SLC4A3: variants seen among roughly 807,000 people sequenced by gnomAD.
SLC4A3 encodes solute carrier family 4 member 3.
In SLC4A3, 47 loss-of-function variants were observed where a neutral mutation model predicts 114.2. The observed-to-expected ratio is 0.41, with a 90% confidence interval of 0.33 to 0.52. SLC4A3 has a LOEUF of 0.52. SLC4A3 is among the 20% of genes least tolerant of loss of function. The pLI, the probability that SLC4A3 is intolerant of heterozygous loss-of-function variation, is 0.21. For synonymous variants in SLC4A3, 693 were observed against 710.3 expected (o/e 0.98, Z 0.39); for missense variants, 1,312 against 1,668.3 (o/e 0.79, Z 3.72).
rs1307613583 is a variant in SLC4A3, at chr2:219,636,652, G to A, written c.2341-28G>A. 6.3e-7 allele frequency: 1 copy of A among 1,594,622 alleles called. No homozygotes were observed. On this transcript the variant is annotated intron_variant, in intron 15 of 22. Coordinates refer to ENST00000358055, the MANE Select transcript of SLC4A3 (RefSeq NM_005070.4). This position sits in a 1 kb window ranked among gnomAD's most constrained non-coding sequence, Gnocchi z 5.5. Reference sequence around the variant, plus strand: ...TGACACCCAGGGCAGTCCACCTGTGGGTAACGACCGCTCCTACCCCCACCT... The same window carrying A: ...TGACACCCAGGGCAGTCCACCTGTGAGTAACGACCGCTCCTACCCCCACCT...
At chr2:219,629,042 G>A in intron 3 of SLC4A3, 102 bp from the exon 4 acceptor site, 1 of 1,373,564 alleles carries the variant, frequency 7.3e-7, no homozygotes, top group Non-Finnish European at 9.6e-7. Context: ...AAGGACTAGG[G>A]TGCCCTTGTT....
rs372547587 is a variant in SLC4A3, at chr2:219,638,366, C to T, written c.2856+113C>T. On this transcript the variant is annotated intron_variant, in intron 18 of 22. Coordinates refer to ENST00000358055, the MANE Select transcript of SLC4A3 (RefSeq NM_005070.4). This position sits in a 1 kb window ranked among gnomAD's most constrained non-coding sequence, Gnocchi z 7.5. ...GGATCAGGCCTGAACTCAACTTTCC[C>T]AGTGGAGTGGCCGCCCTGGGGGCTG... 1 of 896,414 alleles carries T rather than the reference C, an allele frequency of 1.1e-6. No homozygotes were observed. Among genetic ancestry groups the T allele is most frequent in the African/African-American group, 1.7e-5 (1 of 60,604 alleles). 55.5% of individuals were successfully genotyped at this position (896,414 alleles called of 1,614,324 possible). A position where few individuals can be genotyped will look rare whatever the true frequency, so the allele number is the denominator to read the frequency against.
chr2:219,641,548 A>G lies in SLC4A3; in HGVS notation c.3622-103A>G. The G allele has an allele frequency of 1.1e-6, 1 of 904,342 alleles. No homozygotes were observed. Among genetic ancestry groups the G allele is most frequent in the Non-Finnish European group, 1.8e-6 (1 of 557,738 alleles). The allele number at this position is 904,342 out of a possible 1,614,324, so 56.0% of individuals were successfully genotyped here. Reference sequence around the variant, plus strand: ...ATGGTACTTGCAGAGAGGCCCAGGAAAGGTCAGGGAGCAGGGAGGGCTGCA... The same window carrying G: ...ATGGTACTTGCAGAGAGGCCCAGGAGAGGTCAGGGAGCAGGGAGGGCTGCA... On this transcript the variant is annotated intron_variant, in intron 22 of 22. Coordinates refer to ENST00000358055, the MANE Select transcript of SLC4A3 (RefSeq NM_005070.4). The surrounding 1 kb of genome is among the most constrained non-coding windows in gnomAD (Gnocchi z 4.0).
At chr2:219,634,046 G>C in intron 11 of SLC4A3, 67 bp downstream of exon 11, 3 of 1,461,770 alleles carry the variant, frequency 2.1e-6, no homozygotes, top group Non-Finnish European at 2.7e-6. Flanking sequence ...GGGCCTGCTT[G>C]TCTGAGCTCT....
chr2:219,632,897 C>G lies in SLC4A3; in HGVS notation c.1165C>G (p.Gln389Glu). 1 of 1,614,176 alleles carries G rather than the reference C, an allele frequency of 6.2e-7. No homozygotes were observed. The highest frequency in any genetic ancestry group is 8.5e-7 in the Non-Finnish European group (1 of 1,180,024). Residue 389 changes from glutamine to glutamate, a missense_variant, in exon 9 of 23, where the codon CAA (glutamine) becomes GAA (glutamate). Physicochemically the swap from Gln to Glu is conservative, Grantham distance 29. This residue lies in a region of SLC4A3 where 771 missense variants were observed against 977.7 expected (regional missense o/e 0.79). Transcript: ENST00000358055. ...AGGAGCTGCCCTCCTGGACCTGGAG[C>G]AAACCACCCTGCCAGGCATTGCACA... Reference protein sequence around the residue: ...AHGAALLDLEQTTLPGIAHLV... With the variant: ...AHGAALLDLEETTLPGIAHLV...
At position 219,633,009 on chromosome 2, in the gene SLC4A3, G is replaced by A; in HGVS notation, c.1277G>A (p.Ser426Asn). The A allele has an allele frequency of 1.9e-6, 3 of 1,613,996 alleles. No homozygotes were observed. The highest frequency in any genetic ancestry group is 2.5e-6 in the Non-Finnish European group (3 of 1,179,944). ...SVLRTLLLKH[S>N]HPNDDKDSGF... ...CTACGTACCCTGCTACTGAAGCACA[G>A]GTGCCGGGGTGGGTCCCTGGGAGGG... Residue 426 changes from serine (S) to asparagine (N), a missense_variant and splice_region_variant, in exon 9 of 23, where the codon AGC becomes AAC. Ser to Asn is a conservative substitution (Grantham distance 46, BLOSUM62 1). This residue lies in a region of SLC4A3 where 771 missense variants were observed against 977.7 expected (regional missense o/e 0.79). Coordinates refer to ENST00000358055, the MANE Select transcript of SLC4A3 (RefSeq NM_005070.4).
At chr2:219,633,102 A>C in intron 9 of SLC4A3, 93 bp downstream of exon 9, 1 of 1,495,490 alleles carries the variant, frequency 6.7e-7, no homozygotes. Flanking sequence ...CTCTGCTTGA[A>C]TGCCACAAGT....
rs536629943 is a variant in SLC4A3 at position 219,627,634 on chromosome 2, C to G, written c.-205C>G. 6.6e-6 allele frequency: 1 copy of G among 151,564 alleles called. No homozygotes were observed. 9.4% of individuals were successfully genotyped at this position (151,564 alleles called of 1,614,324 possible). A position where few individuals can be genotyped will look rare whatever the true frequency, so the allele number is the denominator to read the frequency against. ...GGCGCCTGCGTCCGCCCGGCCAGCC[C>G]GGCTCTGCGCTGCGAGAGGCCGGAC... is the stretch of plus-strand genomic sequence containing the variant. On this transcript the variant is annotated 5_prime_UTR_variant, in exon 1 of 23. Coordinates refer to ENST00000358055, the MANE Select transcript of SLC4A3 (RefSeq NM_005070.4).
Position 219,628,485 on chromosome 2 carries a change from G to GA in SLC4A3, c.133dup (p.Ser45LysfsTer28). ...ATGACTTGGGCAAGACCTTGGCTGT[G>GA]AGCAGGTTTGGGGACCTCATCAGCA... is the stretch of plus-strand genomic sequence containing the variant. On this transcript the variant is annotated frameshift_variant, in exon 3 of 23. Coordinates refer to ENST00000358055, the MANE Select transcript of SLC4A3 (RefSeq NM_005070.4). LOFTEE classifies it high-confidence loss of function. This position sits in a 1 kb window ranked among gnomAD's most constrained non-coding sequence, Gnocchi z 4.8. 1 of 1,613,868 alleles carries GA rather than the reference G, an allele frequency of 6.2e-7. No individual in the cohort carries two copies. The highest frequency in any genetic ancestry group is 1.1e-5 in the South Asian group (1 of 91,056).
rs777477960 is a variant in SLC4A3 at position 219,628,611 on chromosome 2, C to T, written c.217+41C>T. ...ACCCCTAGTGCGGCCGCCCTCGCCA[C>T]CATCACCTTCATCGCCACCATCACC... On this transcript the variant is annotated intron_variant, in intron 3 of 22. Transcript: ENST00000358055. The surrounding 1 kb of genome is among the most constrained non-coding windows in gnomAD (Gnocchi z 4.8). 1 of 1,597,874 alleles carries T rather than the reference C, an allele frequency of 6.3e-7. No homozygotes were observed. Among genetic ancestry groups the T allele is most frequent in the Non-Finnish European group, 8.5e-7 (1 of 1,170,960 alleles).
In SLC4A3 at chr2:219,641,761, G is replaced by T. The variant is rs1184559476; in HGVS notation, c.*33G>T. 1 of 1,567,274 alleles carries T rather than the reference G, an allele frequency of 6.4e-7. No individual in the cohort carries two copies. The highest frequency in any genetic ancestry group is 1.4e-5 in the African/African-American group (1 of 73,996). ...AGACAGTGCCCCTCAGAGACCCCAA[G>T]ACCTTAGGGATTGACACCTGGGCCT... On this transcript the variant is annotated 3_prime_UTR_variant, in exon 23 of 23. Transcript: ENST00000358055. The surrounding 1 kb of genome is among the most constrained non-coding windows in gnomAD (Gnocchi z 4.0).
rs375390777 is a variant in SLC4A3 at position 219,633,212 on chromosome 2, C to T, written c.1278-62C>T. 8.8e-6 allele frequency: 13 copies of T among 1,473,732 alleles called. No homozygotes were observed. In the African/African-American group the frequency reaches 1.7e-4, roughly 19 times the overall value. The allele number at this position is 1,473,732 out of a possible 1,614,324, so 91.3% of individuals were successfully genotyped here. A position where few individuals can be genotyped will look rare whatever the true frequency, so the allele number is the denominator to read the frequency against. On this transcript the variant is annotated intron_variant, in intron 9 of 22. Coordinates refer to ENST00000358055, the MANE Select transcript of SLC4A3 (RefSeq NM_005070.4). ...GGAGGTCCTGACCCTCCACTACTCA[C>T]CTCATGACCTCAGTCTACCATGAGC...
In SLC4A3 at chr2:219,628,659, C is replaced by T; in HGVS notation, c.217+89C>T. The T allele has an allele frequency of 2.2e-6, 3 of 1,342,736 alleles. No individual in the cohort carries two copies. The highest frequency in any genetic ancestry group is 3.1e-6 in the Non-Finnish European group (3 of 957,510). 83.2% of individuals were successfully genotyped at this position (1,342,736 alleles called of 1,614,324 possible). On this transcript the variant is annotated intron_variant, in intron 3 of 22. Coordinates refer to ENST00000358055, the MANE Select transcript of SLC4A3 (RefSeq NM_005070.4). This position sits in a 1 kb window ranked among gnomAD's most constrained non-coding sequence, Gnocchi z 4.8. ...ACCGCGCTCACCTCCGGCTTGGTCACCCAGTGCCATCCTGTGCCGGACACT... is the reference window on the plus strand; with the variant it reads ...ACCGCGCTCACCTCCGGCTTGGTCATCCAGTGCCATCCTGTGCCGGACACT...
At chr2:219,640,169 T>G (rs557947757) in intron 20 of SLC4A3, among the ~76,000 whole-genome samples, 24 of 151,092 alleles carry the variant, frequency 1.6e-4, no homozygotes, top group Admixed American at 1.6e-3. Context: ...GACCTCGTGA[T>G]CCACCCACCT....
chr2:219,634,046 GTCTGAGC>G, intron 11 of SLC4A3, 67 bp downstream of exon 11: 1 of 1,461,770 alleles, frequency 6.8e-7, no homozygotes, highest in East Asian at 2.5e-5. Context: ...GGGCCTGCTT[GTCTGAGC>G]TCTGGCCTCG....
In SLC4A3 at chr2:219,637,521, A is replaced by G. The variant is rs1440594197; in HGVS notation, c.2536-60A>G. The G allele has an allele frequency of 3.3e-6, 3 of 907,300 alleles. No homozygotes were observed. The highest frequency in any genetic ancestry group is 5.2e-6 in the Non-Finnish European group (3 of 573,648). The allele number at this position is 907,300 out of a possible 1,614,324, so 56.2% of individuals were successfully genotyped here. ...CCTCTCTCTCACAGGTGTACTGATG[A>G]CGATGAAGTCAGGTCACCTGCCAGG... On this transcript the variant is annotated intron_variant, in intron 16 of 22. Coordinates refer to ENST00000358055, the MANE Select transcript of SLC4A3 (RefSeq NM_005070.4). This position sits in a 1 kb window ranked among gnomAD's most constrained non-coding sequence, Gnocchi z 4.6.
At chr2:219,635,580 C>A in intron 13 of SLC4A3, 84 bp downstream of exon 13, 1 of 1,477,446 alleles carries the variant, frequency 6.8e-7, no homozygotes, top group Non-Finnish European at 9.3e-7. Context: ...CCCGTCCTGA[C>A]TCCTGGAGTC....
At chr2:219,633,599 C>T (rs764509100) in intron 10 of SLC4A3, 142 bp downstream of exon 10, 80 of 834,564 alleles carry the variant, frequency 9.6e-5, no homozygotes, top group Non-Finnish European at 1.3e-4. Context: ...AGAGGAGACC[C>T]GCATGAGGGG....
At chr2:219,634,690 G>A (rs1179870596) in intron 12 of SLC4A3, 86 bp downstream of exon 12, 16 of 1,433,982 alleles carry the variant, frequency 1.1e-5, no homozygotes, top group Admixed American at 2.1e-5. Flanking sequence ...GCCCATAGAG[G>A]CAAGGGTGCT....
Sources: allele counts gnomAD v4.1 joint callset (sites outside exome capture counted in the v4.1 genomes callset), GRCh38; gene constraint gnomAD v4.1.1; regional missense constraint gnomAD v4.1.1; non-coding constraint Gnocchi (gnomAD v3.1); transcripts MANE v1.5; gene names NCBI Gene and HGNC (gene_info 2026-07-23, HGNC 2026-07-21).